The following WDR27 variants were observed in gnomAD, a reference collection of about 807,000 sequenced individuals.
WDR27 encodes WD repeat-containing protein 27.
Under a neutral mutation model 114.4 loss-of-function variants are expected in WDR27, and 100 were observed. The observed-to-expected ratio is 0.87, with a 90% CI of 0.74 to 1.03. The LOEUF is 1.03. WDR27 is among the 50% of genes least tolerant of loss of function. WDR27 has a pLI of 0.00. For missense variants in WDR27, 1,129 were observed against 1,092.9 expected, an observed-to-expected ratio of 1.03 and a Z score of -0.47; for synonymous variants, 449 against 423.1, an observed-to-expected ratio of 1.06 and a Z score of -0.75.
the WDR27 span, among the ~76,000 whole-genome samples, chr6:169,447,404 A>T: frequency 6.6e-6 from 1 of 152,108 alleles, no homozygotes; most frequent in Non-Finnish European, 1.5e-5. Context: ...GTCATCAGGC[A>T]TTTTAGTGGG....
intron 21 of WDR27, among the ~76,000 whole-genome samples, chr6:169,615,310 A>T (rs1251927119): frequency 1.3e-5 from 2 of 152,048 alleles, no homozygotes; most frequent in African/African-American, 4.8e-5. Context: ...TGTTGTACAG[A>T]TTATGTCATC....
Position 169,662,429 on chromosome 6 carries a change from G to A in WDR27, c.905-5C>T. 1 of 1,613,678 alleles carries A rather than the reference G, an allele frequency of 6.2e-7. No homozygotes were observed. The highest frequency in any genetic ancestry group is 8.5e-7 in the Non-Finnish European group (1 of 1,179,722). On this transcript the variant is annotated splice_polypyrimidine_tract_variant and splice_region_variant and intron_variant, in intron 8 of 25. Coordinates refer to ENST00000448612, the MANE Select transcript of WDR27 (RefSeq NM_182552.5). ...TAGAGGGAAGCTGGCTTTCTTCTAG[G>A]GACAGAATTATTGAGAATCTAAGAA...
At chr6:169,546,370 AC>A (rs1797457853) in intron 25 of WDR27, among the ~76,000 whole-genome samples, 1 of 152,146 alleles carries the variant, frequency 6.6e-6, no homozygotes, top group South Asian at 2.1e-4. Context: ...GGCTGCAGGG[AC>A]CTGGGCTCCA....
At chr6:169,586,302 G>T (rs1804542651) in intron 23 of WDR27, among the ~76,000 whole-genome samples, 1 of 152,158 alleles carries the variant, frequency 6.6e-6, no homozygotes, top group Non-Finnish European at 1.5e-5. Context: ...ATTGTTTCAG[G>T]GTTGATGGCC....
chr6:169,590,448 T>A (rs768438685), intron 23 of WDR27, among the ~76,000 whole-genome samples: 16 of 152,376 alleles, frequency 1.1e-4, no homozygotes, highest in Non-Finnish European at 1.0e-4. Flanking sequence ...AGTAAACTAT[T>A]CTCAGAAGAC....
At chr6:169,554,657 G>A (rs746004957) in intron 25 of WDR27, among the ~76,000 whole-genome samples, 14 of 152,084 alleles carry the variant, frequency 9.2e-5, no homozygotes, top group Non-Finnish European at 1.9e-4. Flanking sequence ...GTTCTTCTGC[G>A]TTTCAGCTCA....
chr6:169,574,579 G>A (rs376630426), intron 24 of WDR27, among the ~76,000 whole-genome samples: 1 of 152,160 alleles, frequency 6.6e-6, no homozygotes, highest in Admixed American at 6.5e-5. Context: ...TGCCAGCCTC[G>A]GTCCCAGCGA....
At chr6:169,584,743 T>TA (rs756340437) in intron 23 of WDR27, among the ~76,000 whole-genome samples, 1 of 152,236 alleles carries the variant, frequency 6.6e-6, no homozygotes, top group Non-Finnish European at 1.5e-5. Context: ...ACTCATTTTT[T>TA]AATCAGGTCA....
the WDR27 span, among the ~76,000 whole-genome samples, chr6:169,427,491 C>T: frequency 3.3e-5 from 5 of 152,144 alleles, no homozygotes; most frequent in African/African-American, 1.2e-4. Context: ...TAAGCAAAGG[C>T]TTGTGTTTTT....
intron 25 of WDR27, among the ~76,000 whole-genome samples, chr6:169,493,697 T>C (rs985034582): frequency 1.3e-5 from 2 of 152,154 alleles, no homozygotes; most frequent in Admixed American, 6.5e-5. Context: ...GAACCCACAT[T>C]TTTCTGCACA....
chr6:169,628,836 A>C (rs1815565888), intron 21 of WDR27, among the ~76,000 whole-genome samples: 1 of 152,204 alleles, frequency 6.6e-6, no homozygotes, highest in Admixed American at 6.5e-5. Context: ...ATTCTTGTGC[A>C]TTTATCCCTA....
chr6:169,689,541 T>C (rs959852897), intron 1 of WDR27, among the ~76,000 whole-genome samples: 3 of 152,230 alleles, frequency 2.0e-5, no homozygotes, highest in Non-Finnish European at 2.9e-5. Context: ...CTGTATGTAA[T>C]TACAGTTAAG....
At chr6:169,632,300 G>A (rs57554989) in intron 21 of WDR27, among the ~76,000 whole-genome samples, 5,787 of 151,964 alleles carry the variant, frequency 0.038, 378 homozygotes, top group African/African-American at 0.13. Flanking sequence ...CCTGAATCAT[G>A]ATATAAATGC....
intron 25 of WDR27, among the ~76,000 whole-genome samples, chr6:169,517,011 T>C (rs557260427): frequency 6.6e-6 from 1 of 152,186 alleles, no homozygotes; most frequent in African/African-American, 2.4e-5. Context: ...AGGGGTAGAA[T>C]GATGTAGTTT....
intron 22 of WDR27, among the ~76,000 whole-genome samples, chr6:169,606,942 C>T (rs1809321253): frequency 6.6e-6 from 1 of 151,998 alleles, no homozygotes; most frequent in Non-Finnish European, 1.5e-5. Context: ...AGTATAAAAG[C>T]CTTTTAAAAG....
intron 15 of WDR27, among the ~76,000 whole-genome samples, chr6:169,648,102 A>G (rs527871528): frequency 4.6e-5 from 7 of 152,356 alleles, no homozygotes; most frequent in African/African-American, 1.4e-4. Context: ...CATATTTTAC[A>G]TATAAAACAG....
chr6:169,452,764 T>C (rs1329454440), downstream of WDR27, among the ~76,000 whole-genome samples: 1 of 152,250 alleles, frequency 6.6e-6, no homozygotes, highest in Non-Finnish European at 1.5e-5. Flanking sequence ...ATGTGGAAAT[T>C]GGCTTTGCCA....
chr6:169,569,263 A>T (rs1800984515), intron 25 of WDR27, among the ~76,000 whole-genome samples: 1 of 152,192 alleles, frequency 6.6e-6, no homozygotes, highest in South Asian at 2.1e-4. Flanking sequence ...ACGTTTTAAA[A>T]CCCTAGTCTC....
chr6:169,701,313 C>T (rs1787955529), intron 1 of WDR27, among the ~76,000 whole-genome samples: 1 of 152,030 alleles, frequency 6.6e-6, no homozygotes, highest in African/African-American at 2.4e-5. Flanking sequence ...AAGTCAGAAA[C>T]TTGCTGTTTG....
Sources: allele counts gnomAD v4.1 joint callset (sites outside exome capture counted in the v4.1 genomes callset), GRCh38; gene constraint gnomAD v4.1.1; transcripts MANE v1.5; gene names NCBI Gene and HGNC (gene_info 2026-07-23, HGNC 2026-07-21).